KANK1: variants seen among roughly 807,000 people sequenced by gnomAD.
The protein encoded by KANK1 is KN motif and ankyrin repeat domain-containing protein 1.
Under a neutral mutation model 106.2 loss-of-function variants are expected in KANK1, and 109 were observed. The observed-to-expected ratio is 1.03, with a 90% CI of 0.88 to 1.20. KANK1 has a LOEUF of 1.20. Ranked by LOEUF, KANK1 falls within the 50% of genes most tolerant of loss-of-function variation. The pLI, the probability that KANK1 is intolerant of heterozygous loss-of-function variation, is 0.00. For missense variants in KANK1, 2,399 were observed against 1,710.7 expected, an observed-to-expected ratio of 1.40 and a Z score of -7.10; for synonymous variants, 873 against 652.2, an observed-to-expected ratio of 1.34 and a Z score of -5.16.
At chr9:527,587 C>G (rs2059850534) in intron 1 of KANK1, among the ~76,000 whole-genome samples, 1 of 151,692 alleles carries the variant, frequency 6.6e-6, no homozygotes, top group African/African-American at 2.4e-5. Flanking sequence ...AGGTGTAAGC[C>G]ACTACACTCG....
At chr9:731,821 ATT>A (rs1281151717) in intron 5 of KANK1, 1 of 154,664 alleles carries the variant, frequency 6.5e-6, no homozygotes, top group Non-Finnish European at 1.4e-5. Flanking sequence ...TTGTCCTACA[ATT>A]GAATCAAATC....
chr9:538,861 G>C (rs192907759), intron 1 of KANK1, among the ~76,000 whole-genome samples: 4 of 152,232 alleles, frequency 2.6e-5, no homozygotes, highest in African/African-American at 9.6e-5. Flanking sequence ...GTTTTTGTTT[G>C]AAAATTTTCC....
Position 526,259 on chromosome 9 carries a change from C to T in KANK1, c.-84+21505C>T, listed in dbSNP as rs890248364. On this transcript the variant is annotated intron_variant, in intron 1 of 11. Coordinates refer to ENST00000382297, the MANE Select transcript of KANK1 (RefSeq NM_015158.5). ...CGGGACGGCAGAGCAATGACTGTTC[C>T]CCAGCCCACAGGTAGGAGCTGGTGG... is the stretch of plus-strand genomic sequence containing the variant. Among the ~76,000 whole-genome samples the T allele has an allele frequency of 4.0e-5, 6 of 151,692 alleles. No individual in the cohort carries two copies. The East Asian group carries it at 1.2e-3, about 29-fold the overall frequency.
At chr9:566,852 T>G (rs1392688933) in intron 1 of KANK1, among the ~76,000 whole-genome samples, 1 of 152,236 alleles carries the variant, frequency 6.6e-6, no homozygotes, top group Non-Finnish European at 1.5e-5. Flanking sequence ...GCCTTTTAGT[T>G]TAATTAGATC....
At chr9:632,584 G>C (rs10975505) in intron 1 of KANK1, among the ~76,000 whole-genome samples, 25,018 of 152,008 alleles carry the variant, frequency 0.16, 2,256 homozygotes, top group African/African-American at 0.2. Flanking sequence ...GTGAGAGGCA[G>C]GGGAGGACAT....
intron 1 of KANK1, among the ~76,000 whole-genome samples, chr9:581,163 A>G (rs10975261): frequency 0.3 from 44,868 of 151,808 alleles, 6,983 homozygotes; most frequent in African/African-American, 0.36. Flanking sequence ...TTCCCTCCAC[A>G]TCTCCCCGCA....
At position 524,470 on chromosome 9, in the gene KANK1, C is replaced by A. The variant is rs185309165; in HGVS notation, c.-84+19716C>A. 2.5e-3 allele frequency among the ~76,000 whole-genome samples: 373 copies of A among 151,716 alleles called. 12 individuals carry two copies. The highest frequency in any genetic ancestry group is 8.5e-3 in the African/African-American group (349 of 41,064). Reference sequence around the variant, plus strand: ...ACGGCTGGTTTTATTTTAGCTTTGGCCAGGTTGGCACCATTGTTTCAAGTA... The same window carrying A: ...ACGGCTGGTTTTATTTTAGCTTTGGACAGGTTGGCACCATTGTTTCAAGTA... On this transcript the variant is annotated intron_variant, in intron 1 of 11. Coordinates refer to ENST00000382297, the MANE Select transcript of KANK1 (RefSeq NM_015158.5).
chr9:631,328 C>T (rs936526146), intron 1 of KANK1, among the ~76,000 whole-genome samples: 3 of 152,186 alleles, frequency 2.0e-5, no homozygotes, highest in Non-Finnish European at 4.4e-5. Flanking sequence ...ATTTGTGGGG[C>T]TCCCCCTGGG....
At chr9:628,751 C>T (rs1834961788) in intron 1 of KANK1, among the ~76,000 whole-genome samples, 1 of 152,046 alleles carries the variant, frequency 6.6e-6, no homozygotes, top group Non-Finnish European at 1.5e-5. Context: ...CCATTTGGTT[C>T]CCTGGATTCA....
chr9:648,165 G>C (rs1445543545), intron 1 of KANK1, among the ~76,000 whole-genome samples: 1 of 146,296 alleles, frequency 6.8e-6, no homozygotes, highest in Non-Finnish European at 1.5e-5. Context: ...CACCACGCCT[G>C]GGTAATTTTT....
chr9:647,794 C>G (rs1840013798), intron 1 of KANK1, among the ~76,000 whole-genome samples: 1 of 150,494 alleles, frequency 6.6e-6, no homozygotes, highest in East Asian at 1.9e-4. Context: ...TTATATATAG[C>G]AGAGATACGA....
chr9:484,633 G>T (rs950473125), intron 3 of KANK1: 2 of 152,202 alleles, frequency 1.3e-5, no homozygotes, highest in African/African-American at 4.8e-5. Flanking sequence ...GGAGAGGCAA[G>T]ATAAAAGATA....
intron 1 of KANK1, among the ~76,000 whole-genome samples, chr9:556,385 C>G (rs2061583819): frequency 6.6e-6 from 1 of 152,164 alleles, no homozygotes; most frequent in Non-Finnish European, 1.5e-5. Flanking sequence ...CTGAGTTGTG[C>G]TCTCCTCTGA....
chr9:648,355 C>G (rs1840173213), intron 1 of KANK1, among the ~76,000 whole-genome samples: 1 of 152,058 alleles, frequency 6.6e-6, no homozygotes, highest in Admixed American at 6.6e-5. Flanking sequence ...TCTCTTTCTT[C>G]TTTCTTTAAT....
intron 1 of KANK1, among the ~76,000 whole-genome samples, chr9:590,256 A>G (rs1330919400): frequency 6.6e-6 from 1 of 152,132 alleles, no homozygotes; most frequent in Non-Finnish European, 1.5e-5. Context: ...TTGTGTTCTA[A>G]TAGCCTTTGT....
chr9:476,144 CAAAA>C (rs559563234), intron 3 of KANK1, among the ~76,000 whole-genome samples: 1 of 108,768 alleles, frequency 9.2e-6, no homozygotes. Context: ...AACTCCATCT[CAAAA>C]AAAAAAAAAA....
In KANK1 at chr9:488,746, C is replaced by T. The variant is rs1233636656; in HGVS notation, c.-362+15473C>T. Among the ~76,000 whole-genome samples the T allele has an allele frequency of 2.0e-5, 3 of 152,168 alleles. No homozygotes were observed. In the East Asian group the frequency reaches 5.8e-4, roughly 29 times the overall value. ...TTGGGGTCAGGATTCACTCTTACTG[C>T]TGCCTGTTATGTACAATCTCAAGCA... On this transcript the variant is annotated intron_variant, in intron 3 of 15. Transcript: ENST00000382303.
chr9:723,778 C>A (rs1829973529), intron 3 of KANK1, among the ~76,000 whole-genome samples: 1 of 151,780 alleles, frequency 6.6e-6, no homozygotes, highest in Admixed American at 6.6e-5. Context: ...GATGCAAACA[C>A]CCTATTAAAG....
At chr9:545,828 C>T (rs2133953488) in intron 1 of KANK1, among the ~76,000 whole-genome samples, 1 of 150,536 alleles carries the variant, frequency 6.6e-6, no homozygotes, top group Non-Finnish European at 1.5e-5. Flanking sequence ...TCACTGCAAC[C>T]TCTGCCTCAC....
Sources: gnomAD v4.1 joint callset for allele counts (sites outside exome capture counted in the v4.1 genomes callset) on GRCh38, gnomAD v4.1.1 for gene constraint, MANE v1.5 for transcripts, NCBI Gene and HGNC (gene_info 2026-07-23, HGNC 2026-07-21) for gene names.